The following MYO10 variants were observed in gnomAD, a reference collection of about 807,000 sequenced individuals.
MYO10 encodes myosin X, also known as unconventional myosin-X.
A neutral mutation model predicts 257.3 loss-of-function variants in MYO10; 133 were observed. That is an observed-to-expected ratio of 0.52 (90% confidence interval 0.45 to 0.60). The LOEUF is 0.60. Among genes scored for constraint, MYO10 ranks in the 20% least tolerant of loss-of-function variants. The pLI, the probability that MYO10 is intolerant of heterozygous loss-of-function variation, is 0.00. For missense variants in MYO10, 2,399 were observed against 2,635.7 expected, an observed-to-expected ratio of 0.91 and a Z score of 1.97; for synonymous variants, 1,104 against 1,028.6, an observed-to-expected ratio of 1.07 and a Z score of -1.40.
intron 1 of MYO10, among the ~76,000 whole-genome samples, chr5:16,897,908 G>A (rs891342653): frequency 6.6e-6 from 1 of 152,216 alleles, no homozygotes; most frequent in East Asian, 1.9e-4. Flanking sequence ...AACTGCTTTT[G>A]AGCATTTCAA....
Position 16,664,886 on chromosome 5 carries a change from GAAAC to G in MYO10, c.*1802_*1805del, listed in dbSNP as rs1393763561. The G allele has an allele frequency of 6.6e-6, 1 of 152,208 alleles. No individual in the cohort carries two copies. Among genetic ancestry groups the G allele is most frequent in the African/African-American group, 2.4e-5 (1 of 41,430 alleles). The allele number at this position is 152,208 out of a possible 1,614,324, so 9.4% of individuals were successfully genotyped here. A position where few individuals can be genotyped will look rare whatever the true frequency, so the allele number is the denominator to read the frequency against. On this transcript the variant is annotated 3_prime_UTR_variant, in exon 41 of 41. Coordinates refer to ENST00000513610, the MANE Select transcript of MYO10 (RefSeq NM_012334.3). ...GTTTAGACCTGATGAGCAAGTCCATGAAACAAACACAAAGCCCAGACACTGAAAC... is the reference window on the plus strand; with the variant it reads ...GTTTAGACCTGATGAGCAAGTCCATGAAACACAAAGCCCAGACACTGAAAC...
At chr5:16,897,812 T>G (rs530880805) in intron 1 of MYO10, among the ~76,000 whole-genome samples, 2 of 152,304 alleles carry the variant, frequency 1.3e-5, no homozygotes, top group South Asian at 4.1e-4. Context: ...AGAGGTTTGT[T>G]TAAAATGCAA....
chr5:16,698,235 C>T (rs1039328494), intron 26 of MYO10, among the ~76,000 whole-genome samples: 29 of 152,030 alleles, frequency 1.9e-4, no homozygotes, highest in Admixed American at 1.5e-3. Context: ...TGATGGTGTG[C>T]GCCTGCAGTC....
intron 2 of MYO10, among the ~76,000 whole-genome samples, chr5:16,833,472 A>C (rs1743218080): frequency 6.6e-6 from 1 of 152,264 alleles, no homozygotes; most frequent in Admixed American, 6.5e-5. Flanking sequence ...TCAGCCTCCC[A>C]AAGTGCTGGG....
Position 16,761,444 on chromosome 5 carries a change from C to T in MYO10, c.1739+20G>A, listed in dbSNP as rs751627022. ...ATTCATTTGCTTGCTAAGTACTTCT[C>T]GGTGAGAAGACTGACATACCGGCTT... On this transcript the variant is annotated intron_variant, in intron 17 of 40. Transcript: ENST00000513610. 103 of 1,579,522 alleles carry T rather than the reference C, an allele frequency of 6.5e-5. No individual in the cohort carries two copies. The highest frequency in any genetic ancestry group is 1.9e-4 in the South Asian group (17 of 90,138).
chr5:16,896,391 T>C (rs910075581), intron 1 of MYO10, among the ~76,000 whole-genome samples: 5 of 151,452 alleles, frequency 3.3e-5, no homozygotes, highest in Non-Finnish European at 7.4e-5. Context: ...AGGTCAGGAG[T>C]TGGAGACCAG....
intron 33 of MYO10, among the ~76,000 whole-genome samples, chr5:16,677,830 G>A (rs1008610273): frequency 5.3e-5 from 8 of 150,914 alleles, no homozygotes; most frequent in Admixed American, 1.3e-4. Flanking sequence ...GCGTGATCTC[G>A]GCTCACTGCA....
intron 28 of MYO10, 131 bp downstream of exon 28, chr5:16,689,691 ACT>A: frequency 1.5e-6 from 1 of 665,178 alleles, no homozygotes; most frequent in Non-Finnish European, 2.6e-6. Flanking sequence ...ATCTCGTATG[ACT>A]CTTGGTTCTT....
At chr5:16,904,283 T>A (rs1047577339) in intron 1 of MYO10, among the ~76,000 whole-genome samples, 1 of 152,080 alleles carries the variant, frequency 6.6e-6, no homozygotes, top group Admixed American at 6.6e-5. Context: ...CATCTAGTAG[T>A]CTGGGTAACC....
chr5:16,913,867 CGAGACAAAAA>C (rs1285411436), intron 1 of MYO10, among the ~76,000 whole-genome samples: 1 of 151,960 alleles, frequency 6.6e-6, no homozygotes, highest in African/African-American at 2.4e-5. Context: ...TACAGTTGCT[CGAGACAAAAA>C]GACAAGAAGG....
chr5:16,763,396 C>T (rs973247779), intron 14 of MYO10, 85 bp downstream of exon 14: 10 of 1,034,434 alleles, frequency 9.7e-6, no homozygotes, highest in Middle Eastern at 2.0e-4. Context: ...TGTGCGTGTT[C>T]GTGCACGTTA....
At chr5:16,684,078 C>T (rs893818618) in intron 29 of MYO10, 143 bp from the exon 30 acceptor site, 11 of 730,772 alleles carry the variant, frequency 1.5e-5, no homozygotes, top group South Asian at 5.2e-5. Context: ...ATCTATGAGA[C>T]GACTCCTCTG....
At position 16,778,302 on chromosome 5, in the gene MYO10, G is replaced by C. The variant is rs534057766; in HGVS notation, c.930+1243C>G. Among the ~76,000 whole-genome samples, 25 of 152,252 alleles carry C rather than the reference G, an allele frequency of 1.6e-4. No individual in the cohort carries two copies. In the South Asian group the frequency reaches 5.2e-3, roughly 32 times the overall value. On this transcript the variant is annotated intron_variant, in intron 9 of 40. Coordinates refer to ENST00000513610, the MANE Select transcript of MYO10 (RefSeq NM_012334.3). ...ACCTTGTAACAAAGCCCTTGCAAGAGACCATGGCATGCCACAATGCAGAGA... is the reference window on the plus strand; with the variant it reads ...ACCTTGTAACAAAGCCCTTGCAAGACACCATGGCATGCCACAATGCAGAGA...
At chr5:16,826,519 G>C (rs531711319) in intron 2 of MYO10, among the ~76,000 whole-genome samples, 2 of 152,182 alleles carry the variant, frequency 1.3e-5, no homozygotes, top group Non-Finnish European at 2.9e-5. Context: ...CAGGGAGTGC[G>C]GCAGGAGGAG....
At chr5:16,889,599 CAAGT>C (rs1360077956) in intron 1 of MYO10, among the ~76,000 whole-genome samples, 1 of 151,658 alleles carries the variant, frequency 6.6e-6, no homozygotes, top group African/African-American at 2.4e-5. Context: ...CCAAGAAAGA[CAAGT>C]AAGTAAATGG....
At chr5:16,735,721 C>T (rs1054600712) in intron 19 of MYO10, among the ~76,000 whole-genome samples, 7 of 151,386 alleles carry the variant, frequency 4.6e-5, no homozygotes, top group Admixed American at 2.6e-4. Context: ...CCAGAAAATG[C>T]TATTATGACA....
At chr5:16,825,671 G>A (rs1187556631) in intron 2 of MYO10, among the ~76,000 whole-genome samples, 1 of 152,110 alleles carries the variant, frequency 6.6e-6, no homozygotes, top group Non-Finnish European at 1.5e-5. Context: ...CCTCAAAATG[G>A]GTATTATACA....
chr5:16,751,605 C>G (rs1222892834), intron 19 of MYO10, among the ~76,000 whole-genome samples: 1 of 152,106 alleles, frequency 6.6e-6, no homozygotes, highest in African/African-American at 2.4e-5. Flanking sequence ...CCTTAGCCTC[C>G]CAAGTAGCTG....
chr5:16,813,404 C>T (rs1742500578), intron 3 of MYO10, among the ~76,000 whole-genome samples: 1 of 151,810 alleles, frequency 6.6e-6, no homozygotes, highest in Admixed American at 6.6e-5. Context: ...GTGGCTCACA[C>T]CTATAGTCCT....
Sources: allele counts gnomAD v4.1 joint callset (sites outside exome capture counted in the v4.1 genomes callset), GRCh38; gene constraint gnomAD v4.1.1; transcripts MANE v1.5; gene names NCBI Gene and HGNC (gene_info 2026-07-23, HGNC 2026-07-21).